CNTLN: variants seen among roughly 807,000 people sequenced by gnomAD.
The protein encoded by CNTLN is centlein.
A neutral mutation model predicts 180.0 loss-of-function variants in CNTLN; 212 were observed. The observed-to-expected ratio is 1.18, with a 90% CI of 1.05 to 1.32. CNTLN has a LOEUF of 1.32. Ranked by LOEUF, CNTLN falls within the 40% of genes most tolerant of loss-of-function variation. The pLI is 0.00. For missense variants in CNTLN, 2,095 were observed against 1,610.9 expected (o/e 1.30, Z -5.14); for synonymous variants, 722 against 563.1 (o/e 1.28, Z -3.99).
At chr9:17,466,164 C>G (rs774991381) in intron 22 of CNTLN, 46 bp downstream of exon 22, 1 of 1,515,152 alleles carries the variant, frequency 6.6e-7, no homozygotes, top group Admixed American at 1.9e-5. Flanking sequence ...GGAATATAAT[C>G]GTGTTTGTTT....
intron 15 of CNTLN, among the ~76,000 whole-genome samples, chr9:17,400,758 G>A (rs1223893700): frequency 6.6e-6 from 1 of 151,992 alleles, no homozygotes; most frequent in Non-Finnish European, 1.5e-5. Context: ...CAGCATATTT[G>A]TATGTATGTG....
chr9:17,364,687 A>G (rs1219285900), intron 12 of CNTLN, among the ~76,000 whole-genome samples: 1 of 152,114 alleles, frequency 6.6e-6, no homozygotes. Context: ...TATTGTCTCC[A>G]TGCTTGACTC....
At chr9:17,311,451 GTT>G (rs112794584) in intron 8 of CNTLN, among the ~76,000 whole-genome samples, 11 of 133,760 alleles carry the variant, frequency 8.2e-5, no homozygotes, top group Admixed American at 1.5e-4. Flanking sequence ...GGGTTTTTCT[GTT>G]TTTTTTTTTT....
intron 18 of CNTLN, among the ~76,000 whole-genome samples, chr9:17,444,519 G>A (rs972003026): frequency 2.0e-5 from 3 of 152,098 alleles, no homozygotes; most frequent in Non-Finnish European, 2.9e-5. Flanking sequence ...GCCAATCATT[G>A]TGGCACTCAA....
chr9:17,296,133 G>C (rs1817915706), intron 6 of CNTLN, among the ~76,000 whole-genome samples: 1 of 151,682 alleles, frequency 6.6e-6, no homozygotes, highest in African/African-American at 2.4e-5. Flanking sequence ...CTCCTGAGTA[G>C]CTGGAACTAC....
intron 25 of CNTLN, among the ~76,000 whole-genome samples, chr9:17,497,266 G>C (rs1000566405): frequency 6.6e-6 from 1 of 152,078 alleles, no homozygotes; most frequent in Admixed American, 6.6e-5. Context: ...CAGTGACAAG[G>C]GTTTAGCTCT....
chr9:17,292,652 G>C (rs899507895), intron 6 of CNTLN, among the ~76,000 whole-genome samples: 1 of 152,050 alleles, frequency 6.6e-6, no homozygotes, highest in Admixed American at 6.6e-5. Flanking sequence ...AACTCCATTA[G>C]GTTATTTATG....
intron 25 of CNTLN, among the ~76,000 whole-genome samples, chr9:17,489,395 A>G (rs1402877768): frequency 2.0e-5 from 3 of 151,998 alleles, no homozygotes; most frequent in East Asian, 1.9e-4. Context: ...AATTAGTCCA[A>G]TGTTGATTTT....
chr9:17,379,341 G>T (rs1382155025), intron 13 of CNTLN, among the ~76,000 whole-genome samples: 1 of 151,932 alleles, frequency 6.6e-6, no homozygotes, highest in Non-Finnish European at 1.5e-5. Flanking sequence ...AGGTTCTCAG[G>T]TCTGTACATC....
At chr9:17,298,893 A>T in intron 7 of CNTLN, 1 of 985,444 alleles carries the variant, frequency 1.0e-6, no homozygotes, top group Non-Finnish European at 1.2e-6. Flanking sequence ...GGTTTACCCA[A>T]GTATTTAGGT....
At position 17,348,617 on chromosome 9, in the gene CNTLN, G is replaced by T. The variant is rs1009129060; in HGVS notation, c.1886+6173G>T. Among the ~76,000 whole-genome samples the T allele has an allele frequency of 2.7e-5, 4 of 150,706 alleles. No homozygotes were observed. The East Asian group carries it at 7.9e-4, about 30-fold the overall frequency. On this transcript the variant is annotated intron_variant, in intron 12 of 25. Coordinates refer to ENST00000380647, the MANE Select transcript of CNTLN (RefSeq NM_017738.4). The stretch of plus-strand genomic sequence containing the variant: ...GTGATTTTGGCTCACTGCAGCCTCT[G>T]CCTCCTGGGTTCAAGTAAATCTCCT...
At chr9:17,241,240 G>A (rs936853320) in intron 5 of CNTLN, among the ~76,000 whole-genome samples, 2 of 152,098 alleles carry the variant, frequency 1.3e-5, no homozygotes, top group African/African-American at 2.4e-5. Flanking sequence ...TTTTGTACAT[G>A]GCAACAGATA....
chr9:17,162,297 G>T (rs972259048), intron 2 of CNTLN, among the ~76,000 whole-genome samples: 7 of 152,028 alleles, frequency 4.6e-5, no homozygotes, highest in African/African-American at 1.7e-4. Flanking sequence ...TGTATTTTTA[G>T]TAGAGACAGG....
At chr9:17,375,945 C>T (rs980636977) in intron 13 of CNTLN, among the ~76,000 whole-genome samples, 1 of 152,148 alleles carries the variant, frequency 6.6e-6, no homozygotes, top group Non-Finnish European at 1.5e-5. Flanking sequence ...TAACCTGCTA[C>T]ATTCTAACCA....
At chr9:17,219,391 G>T (rs1212993898) in intron 2 of CNTLN, among the ~76,000 whole-genome samples, 2 of 151,616 alleles carry the variant, frequency 1.3e-5, no homozygotes, top group Non-Finnish European at 2.9e-5. Context: ...TTGTATTCCT[G>T]TTACAGCACC....
At chr9:17,315,592 T>C (rs151131201) in intron 8 of CNTLN, among the ~76,000 whole-genome samples, 27 of 152,200 alleles carry the variant, frequency 1.8e-4, no homozygotes, top group African/African-American at 6.0e-4. Flanking sequence ...CTCCTGTCCT[T>C]GTGAGATTCC....
chr9:17,467,005 C>A, intron 23 of CNTLN, 114 bp downstream of exon 23: 1 of 620,380 alleles, frequency 1.6e-6, no homozygotes. Flanking sequence ...ACACAGAAAG[C>A]ATCTTCTTCT....
At position 17,369,902 on chromosome 9, in the gene CNTLN, G is replaced by A. The variant is rs562417110; in HGVS notation, c.1987+3185G>A. 9.9e-5 allele frequency among the ~76,000 whole-genome samples: 15 copies of A among 151,568 alleles called. 1 individual carries two copies. The South Asian group carries it at 2.7e-3, about 27-fold the overall frequency. On this transcript the variant is annotated intron_variant, in intron 13 of 25. Transcript: ENST00000380647. The stretch of plus-strand genomic sequence containing the variant: ...CTTGGGAGGCTGAGTCAGGGGAATC[G>A]CTTGACCCCGGGAGGCGGAGGTTGC...
chr9:17,332,578 C>A, intron 9 of CNTLN, 27 bp from the exon 10 acceptor site: 2 of 1,580,096 alleles, frequency 1.3e-6, no homozygotes, highest in Non-Finnish European at 8.6e-7. Flanking sequence ...CCAACTAGTT[C>A]AACCATGTCC....
Sources: gnomAD v4.1 joint callset for allele counts (sites outside exome capture counted in the v4.1 genomes callset) on GRCh38, gnomAD v4.1.1 for gene constraint, MANE v1.5 for transcripts, NCBI Gene and HGNC (gene_info 2026-07-23, HGNC 2026-07-21) for gene names.